The following COL20A1 variants were observed in gnomAD, a reference collection of about 807,000 sequenced individuals.
The protein encoded by COL20A1 is collagen type XX alpha 1 chain.
In COL20A1, 164 loss-of-function variants were observed where a neutral mutation model predicts 152.9. The ratio of observed to expected loss-of-function variants is 1.07; its 90% CI spans 0.94 to 1.22. The LOEUF (loss-of-function observed/expected upper bound fraction) is 1.22, where lower values mean the gene tolerates loss of function less well. Among genes scored for constraint, COL20A1 ranks in the 50% most tolerant of loss-of-function variants. The pLI is 0.00. For synonymous variants in COL20A1, 864 were observed against 756.0 expected (o/e 1.14, Z -2.34); for missense variants, 1,873 against 1,744.8 (o/e 1.07, Z -1.31).
intron 14 of COL20A1, among the ~76,000 whole-genome samples, 171 bp from the exon 15 acceptor site, chr20:63,312,249 C>G (rs896547713): frequency 2.0e-5 from 3 of 152,118 alleles, no homozygotes; most frequent in African/African-American, 7.2e-5. Context: ...AGGCCCACCC[C>G]AGCCGTCCTG....
At chr20:63,299,829 A>G (rs1405843383) in intron 3 of COL20A1, among the ~76,000 whole-genome samples, 2 of 151,418 alleles carry the variant, frequency 1.3e-5, no homozygotes, top group African/African-American at 2.4e-5. Context: ...ATATATACAT[A>G]TATATGTATA....
At position 63,306,308 on chromosome 20, in the gene COL20A1, C is replaced by T. The variant is rs111510003; in HGVS notation, c.496+269C>T. Among the ~76,000 whole-genome samples the T allele has an allele frequency of 4.0e-5, 5 of 126,014 alleles. No individual in the cohort carries two copies. The highest frequency in any genetic ancestry group is 7.7e-5 in the Admixed American group (1 of 12,922). The allele number at this position is 126,014 out of a possible 152,430, so 82.7% of individuals were successfully genotyped here. A position where few individuals can be genotyped will look rare whatever the true frequency, so the allele number is the denominator to read the frequency against. On this transcript the variant is annotated intron_variant, in intron 5 of 35. Transcript: ENST00000358894. The surrounding 1 kb of genome is among the most constrained non-coding windows in gnomAD (Gnocchi z 6.9). ...ACCACACGGTCTCTGACCACGAGGC[C>T]GGGAAGTTCTTCCTCGTGTCTGACC...
chr20:63,294,567 C>T lies in COL20A1; in HGVS notation c.-10-531C>T, dbSNP rs1056936552. ...CCCTGCACCCCCGGCTGGCGTCCCC[C>T]AGACCCACCCGCTCCCCACTCCTAC... On this transcript the variant is annotated intron_variant, in intron 1 of 35. Transcript: ENST00000358894. Among the ~76,000 whole-genome samples, 29 of 152,124 alleles carry T rather than the reference C, an allele frequency of 1.9e-4. 1 individual carries two copies. Among genetic ancestry groups the T allele is most frequent in the African/African-American group, 7.0e-4 (29 of 41,416 alleles).
rs2068044060 is a variant in COL20A1 at position 63,313,522 on chromosome 20, G to A, written c.2210-221G>A. Among the ~76,000 whole-genome samples, 1 of 152,154 alleles carries A rather than the reference G, an allele frequency of 6.6e-6. No individual in the cohort carries two copies. The highest frequency in any genetic ancestry group is 6.5e-5 in the Admixed American group (1 of 15,292). On this transcript the variant is annotated intron_variant, in intron 17 of 35. Coordinates refer to ENST00000358894, the MANE Select transcript of COL20A1 (RefSeq NM_020882.4). This position sits in a 1 kb window ranked among gnomAD's most constrained non-coding sequence, Gnocchi z 5.9. ...GGTTGGGGGTATGGTGAGGGCCCTG[G>A]CAGGTGGCGTGGTGTGGGTGTGGTG...
Position 63,320,146 on chromosome 20 carries a change from C to T in COL20A1, c.3024C>T (p.Val1008=). The part of the protein sequence containing the change: ...EMGSPPAAGF[V]TLGRLAKARG... Reference sequence around the variant, plus strand: ...GCAGCCCACCCGCTGCGGGCTTCGTCACGCTGGGGAGGCTGGCCAAGGCCA... The same window carrying T: ...GCAGCCCACCCGCTGCGGGCTTCGTTACGCTGGGGAGGCTGGCCAAGGCCA... Residue 1008 remains valine (V), a synonymous_variant, in exon 24 of 36, where the codon GTC becomes GTT. Coordinates refer to ENST00000358894, the MANE Select transcript of COL20A1 (RefSeq NM_020882.4). The T allele has an allele frequency of 1.3e-6, 2 of 1,550,914 alleles. No homozygotes were observed. The highest frequency in any genetic ancestry group is 2.3e-5 in the South Asian group (2 of 85,142).
chr20:63,323,453 C>T (rs1419357614), intron 27 of COL20A1, among the ~76,000 whole-genome samples: 1 of 152,216 alleles, frequency 6.6e-6, no homozygotes, highest in African/African-American at 2.4e-5. Flanking sequence ...CGCGCCTCCT[C>T]CTGGTTCCTC....
At chr20:63,295,485 G>T (rs1321792177) in intron 2 of COL20A1, among the ~76,000 whole-genome samples, 3 of 152,234 alleles carry the variant, frequency 2.0e-5, no homozygotes, top group Non-Finnish European at 2.9e-5. Flanking sequence ...GCAGGAGGCT[G>T]GGGTAAAGAT....
Position 63,311,560 on chromosome 20 carries a change from GC to G in COL20A1, c.1539+22del. 1 of 1,605,760 alleles carries G rather than the reference GC, an allele frequency of 6.2e-7. No individual in the cohort carries two copies. The highest frequency in any genetic ancestry group is 8.5e-7 in the Non-Finnish European group (1 of 1,177,092). On this transcript the variant is annotated intron_variant, in intron 12 of 35. Coordinates refer to ENST00000358894, the MANE Select transcript of COL20A1 (RefSeq NM_020882.4). This position sits in a 1 kb window ranked among gnomAD's most constrained non-coding sequence, Gnocchi z 4.4. ...GAGAGGTGAGCTGGGCCGGGGGGTGGCGGGGGAGGCAGAGGAGTGGGGCAGA... is the reference window on the plus strand; with the variant it reads ...GAGAGGTGAGCTGGGCCGGGGGGTGGGGGGGAGGCAGAGGAGTGGGGCAGA...
chr20:63,314,744 G>A (rs989611306), intron 19 of COL20A1, among the ~76,000 whole-genome samples: 1 of 152,034 alleles, frequency 6.6e-6, no homozygotes, highest in African/African-American at 2.4e-5. Context: ...GCAAACCCAA[G>A]TCCCTGGGCC....
In COL20A1 at chr20:63,313,792, C is replaced by G. The variant is rs1273756834; in HGVS notation, c.2259C>G (p.Thr753=). 6.2e-7 allele frequency: 1 copy of G among 1,610,370 alleles called. No homozygotes were observed. The highest frequency in any genetic ancestry group is 1.3e-5 in the African/African-American group (1 of 74,994). ...PPSNLALASE[T]PDSLQVSWTP... The stretch of plus-strand genomic sequence containing the variant: ...CCAACCTGGCCCTGGCCTCGGAGAC[C>G]CCCGACAGCCTGCAGGTCAGCTGGA... Residue 753 remains threonine, a synonymous_variant, in exon 18 of 36, where the codon ACC becomes ACG. Coordinates refer to ENST00000358894, the MANE Select transcript of COL20A1 (RefSeq NM_020882.4). The surrounding 1 kb of genome is among the most constrained non-coding windows in gnomAD (Gnocchi z 5.9).
chr20:63,326,154 G>T lies in COL20A1; in HGVS notation c.3456+5G>T. On this transcript the variant is annotated splice_donor_5th_base_variant and intron_variant, in intron 30 of 35. Transcript: ENST00000358894. ...CCTGGACCCCCTGGCCCCAGGGTAG[G>T]CACCGACCTCCCATGACCCCGACCC... 6.2e-7 allele frequency: 1 copy of T among 1,610,692 alleles called. No homozygotes were observed. The highest frequency in any genetic ancestry group is 1.1e-5 in the South Asian group (1 of 91,026).
At chr20:63,326,334 A>G (rs1877982181) in intron 30 of COL20A1, among the ~76,000 whole-genome samples, 185 bp downstream of exon 30, 1 of 152,146 alleles carries the variant, frequency 6.6e-6, no homozygotes, top group Non-Finnish European at 1.5e-5. Context: ...GCCCAGGAGC[A>G]CTGCATGCTC....
intron 3 of COL20A1, among the ~76,000 whole-genome samples, chr20:63,301,774 A>G (rs1445446818): frequency 6.6e-6 from 1 of 152,024 alleles, no homozygotes; most frequent in Non-Finnish European, 1.5e-5. Context: ...TTTACTGTTA[A>G]TCTTTCTCCA....
chr20:63,330,121 G>A (rs2068312802), intron 35 of COL20A1, among the ~76,000 whole-genome samples: 1 of 152,120 alleles, frequency 6.6e-6, no homozygotes, highest in Non-Finnish European at 1.5e-5. Flanking sequence ...GAGGCAGGGT[G>A]GGGGCCATAG....
intron 31 of COL20A1, among the ~76,000 whole-genome samples, 172 bp downstream of exon 31, chr20:63,326,995 A>G (rs1158793575): frequency 6.6e-6 from 1 of 151,008 alleles, no homozygotes; most frequent in East Asian, 2.0e-4. Context: ...CTTCCTGTTT[A>G]CTGGCCTGGA....
Position 63,310,379 on chromosome 20 carries a change from A to C in COL20A1, c.1264-2A>C, listed in dbSNP as rs1568773437. 6.2e-7 allele frequency: 1 copy of C among 1,610,736 alleles called. No individual in the cohort carries two copies. The highest frequency in any genetic ancestry group is 1.7e-5 in the Admixed American group (1 of 59,864). On this transcript the variant is annotated splice_acceptor_variant, in intron 10 of 35. Coordinates refer to ENST00000358894, the MANE Select transcript of COL20A1 (RefSeq NM_020882.4). LOFTEE classifies it high-confidence loss of function. ...GCTCCGTCCTTGCCCACTCTGTTCCAGGTGGTGGTGGAGGGACCCGCCGCC... is the reference window on the plus strand; with the variant it reads ...GCTCCGTCCTTGCCCACTCTGTTCCCGGTGGTGGTGGAGGGACCCGCCGCC...
At chr20:63,314,957 C>T (rs1296289332) in intron 19 of COL20A1, among the ~76,000 whole-genome samples, 1 of 149,316 alleles carries the variant, frequency 6.7e-6, no homozygotes, top group Non-Finnish European at 1.5e-5. Context: ...AGGCATCTCC[C>T]TGGCCCCAGG....
intron 15 of COL20A1, 58 bp downstream of exon 15, chr20:63,312,607 T>C (rs775097846): frequency 4.4e-5 from 66 of 1,512,470 alleles, no homozygotes; most frequent in African/African-American, 6.9e-5. Flanking sequence ...CCTTCTGCCC[T>C]GCTAGACAGT....
At chr20:63,302,798 T>C (rs1288468916) in intron 3 of COL20A1, among the ~76,000 whole-genome samples, 1 of 152,262 alleles carries the variant, frequency 6.6e-6, no homozygotes, top group Non-Finnish European at 1.5e-5. Context: ...ACTTCCCACT[T>C]TCTTCTCTTG....
Sources: allele counts gnomAD v4.1 joint callset (sites outside exome capture counted in the v4.1 genomes callset), GRCh38; gene constraint gnomAD v4.1.1; non-coding constraint Gnocchi (gnomAD v3.1); transcripts MANE v1.5; gene names NCBI Gene and HGNC (gene_info 2026-07-23, HGNC 2026-07-21).